Variants in MANBA observed in about 807,000 individuals in gnomAD.
The protein encoded by MANBA is mannosidase beta.
Under a neutral mutation model 111.1 loss-of-function variants are expected in MANBA, and 83 were observed. That is an observed-to-expected ratio of 0.75 (90% CI 0.63 to 0.90). The LOEUF (loss-of-function observed/expected upper bound fraction) is 0.90, where lower values mean the gene tolerates loss of function less well. Ranked by LOEUF, MANBA falls within the 40% of genes least tolerant of loss-of-function variation. The pLI is 0.00. For missense variants in MANBA, 1,036 were observed against 1,069.0 expected (o/e 0.97, Z 0.43); for synonymous variants, 370 against 378.7 (o/e 0.98, Z 0.27).
intron 1 of MANBA, among the ~76,000 whole-genome samples, chr4:102,740,319 T>A (rs898004991): frequency 6.6e-6 from 1 of 152,152 alleles, no homozygotes; most frequent in African/African-American, 2.4e-5. Context: ...TGGAAACACA[T>A]CCCATGCTCA....
chr4:102,759,353 C>T (rs996030671), intron 1 of MANBA, among the ~76,000 whole-genome samples: 2 of 152,000 alleles, frequency 1.3e-5, no homozygotes, highest in African/African-American at 4.8e-5. Context: ...TAAAATCAGG[C>T]AAGGAGGAAC....
At chr4:102,711,516 A>G (rs951396206) in intron 5 of MANBA, among the ~76,000 whole-genome samples, 4 of 152,208 alleles carry the variant, frequency 2.6e-5, no homozygotes, top group Admixed American at 2.6e-4. Flanking sequence ...TTGTGGGAAT[A>G]TGAGTGAGTA....
chr4:102,721,565 C>T (rs1363837702), intron 4 of MANBA, among the ~76,000 whole-genome samples: 5 of 152,104 alleles, frequency 3.3e-5, no homozygotes, highest in South Asian at 4.1e-4. Flanking sequence ...GTGGTATATG[C>T]ATAGAATGGT....
At chr4:102,729,691 G>T (rs1340429240) in intron 1 of MANBA, 40 of 1,554,064 alleles carry the variant, frequency 2.6e-5, no homozygotes, top group Middle Eastern at 4.3e-4. Context: ...TCCGCCTCCA[G>T]CTTCAGCTTC....
chr4:102,686,273 A>C (rs1201154240), intron 7 of MANBA, among the ~76,000 whole-genome samples: 7 of 152,136 alleles, frequency 4.6e-5, no homozygotes, highest in Non-Finnish European at 7.4e-5. Flanking sequence ...CATACTGAAA[A>C]TCATAACTTC....
At chr4:102,704,373 C>T (rs1280476711) in intron 5 of MANBA, among the ~76,000 whole-genome samples, 1 of 152,082 alleles carries the variant, frequency 6.6e-6, no homozygotes, top group Non-Finnish European at 1.5e-5. Flanking sequence ...GAGACAATGT[C>T]TGCTCAGGCT....
In MANBA at chr4:102,743,158, T is replaced by C. The variant is rs1406433438; in HGVS notation, c.178-16475A>G. 2.0e-5 allele frequency among the ~76,000 whole-genome samples: 3 copies of C among 152,244 alleles called. No homozygotes were observed. In the East Asian group the frequency reaches 5.8e-4, roughly 29 times the overall value. ...GGTGAGTACTCACATGGGATACAAA[T>C]ATCTTCATAGTTTTTGACCATTCAG... On this transcript the variant is annotated intron_variant, in intron 1 of 16. Coordinates refer to ENST00000647097, the MANE Select transcript of MANBA (RefSeq NM_005908.4).
At chr4:102,737,734 G>A (rs1235991985) in intron 1 of MANBA, among the ~76,000 whole-genome samples, 9 of 152,084 alleles carry the variant, frequency 5.9e-5, no homozygotes, top group African/African-American at 1.4e-4. Context: ...CGCCCGCCTC[G>A]GCCTCCCAAA....
chr4:102,667,858 A>C (rs370171354), intron 10 of MANBA: 6 of 152,302 alleles, frequency 3.9e-5, no homozygotes, highest in African/African-American at 1.4e-4. Flanking sequence ...TCCTTCTTTA[A>C]CATGTTGCAG....
rs529748386 is a variant in MANBA at position 102,678,699 on chromosome 4, A to T, written c.961-4629T>A. Among the ~76,000 whole-genome samples, 11 of 152,284 alleles carry T rather than the reference A, an allele frequency of 7.2e-5. No homozygotes were observed. The South Asian group carries it at 2.3e-3, about 32-fold the overall frequency. ...CAGTGTTTTTATTAGCTTCAAAAAG[A>T]TTTCATTTTCAAAATAGAAGGATTA... is the stretch of plus-strand genomic sequence containing the variant. On this transcript the variant is annotated intron_variant, in intron 7 of 16. Coordinates refer to ENST00000647097, the MANE Select transcript of MANBA (RefSeq NM_005908.4).
chr4:102,747,001 C>G (rs116024568), intron 1 of MANBA, among the ~76,000 whole-genome samples: 1 of 150,502 alleles, frequency 6.6e-6, no homozygotes, highest in Non-Finnish European at 1.5e-5. Context: ...AGAAAAAGAA[C>G]CTTTAGCATT....
intron 13 of MANBA, among the ~76,000 whole-genome samples, chr4:102,641,737 C>G (rs1017149983): frequency 6.6e-6 from 1 of 152,080 alleles, no homozygotes; most frequent in African/African-American, 2.4e-5. Flanking sequence ...TCTATATATC[C>G]ATTCTAACAT....
At chr4:102,692,128 A>G (rs1344546948) in intron 5 of MANBA, among the ~76,000 whole-genome samples, 3 of 152,244 alleles carry the variant, frequency 2.0e-5, no homozygotes, top group East Asian at 1.9e-4. Context: ...TCTGCATTTT[A>G]TAAGAATTGC....
chr4:102,674,711 G>A (rs2110227195), intron 7 of MANBA, among the ~76,000 whole-genome samples: 1 of 152,324 alleles, frequency 6.6e-6, no homozygotes, highest in Admixed American at 6.5e-5. Context: ...CCATCCTAGT[G>A]ACAGCCTAGC....
At chr4:102,727,711 T>C (rs1722864314) in intron 1 of MANBA, 3 of 1,084,058 alleles carry the variant, frequency 2.8e-6, no homozygotes, top group Non-Finnish European at 4.3e-6. Context: ...TTGTAGGTTG[T>C]GTTTTCAGAG....
In MANBA at chr4:102,754,237, G is replaced by C. The variant is rs919249787; in HGVS notation, c.177+6481C>G. 2.0e-5 allele frequency among the ~76,000 whole-genome samples: 3 copies of C among 152,228 alleles called. No homozygotes were observed. In the South Asian group the frequency reaches 6.2e-4, roughly 32 times the overall value. On this transcript the variant is annotated intron_variant, in intron 1 of 16. Transcript: ENST00000647097. The stretch of plus-strand genomic sequence containing the variant: ...AGTGTACAACTGGTACAATGTTTAT[G>C]AAAAGCAACTTAGAAGCACGTACTA...
intron 11 of MANBA, among the ~76,000 whole-genome samples, chr4:102,659,973 C>A (rs1730851463): frequency 6.6e-6 from 1 of 152,120 alleles, no homozygotes; most frequent in Non-Finnish European, 1.5e-5. Context: ...GTTCTACACC[C>A]TGTCCCATGG....
At chr4:102,694,183 C>T (rs1429689078) in intron 5 of MANBA, among the ~76,000 whole-genome samples, 1 of 152,158 alleles carries the variant, frequency 6.6e-6, no homozygotes, top group Non-Finnish European at 1.5e-5. Context: ...CACCCGTTAA[C>T]ACCCCTGGGA....
chr4:102,657,954 T>C (rs924122559), intron 11 of MANBA, 54 bp from the exon 12 acceptor site: 5 of 1,291,396 alleles, frequency 3.9e-6, no homozygotes, highest in Non-Finnish European at 5.6e-6. Context: ...CTGTAAAGTA[T>C]GTATCATTTA....
Sources: gnomAD v4.1 joint callset for allele counts (sites outside exome capture counted in the v4.1 genomes callset) on GRCh38, gnomAD v4.1.1 for gene constraint, MANE v1.5 for transcripts, NCBI Gene and HGNC (gene_info 2026-07-23, HGNC 2026-07-21) for gene names.